The following NFAT5 variants were observed in gnomAD, a reference collection of about 807,000 sequenced individuals.
The protein encoded by NFAT5 is nuclear factor of activated T cells 5.
NFAT5 carries 31 observed loss-of-function variants against 166.5 expected under a neutral mutation model. The ratio of observed to expected loss-of-function variants is 0.19; its 90% confidence interval spans 0.14 to 0.25. NFAT5 has a LOEUF of 0.25. Among genes scored for constraint, NFAT5 ranks in the 10% least tolerant of loss-of-function variants. The pLI is 1.00. For missense variants in NFAT5, 1,449 were observed against 1,821.8 expected (o/e 0.80, Z 3.72); for synonymous variants, 612 against 639.7 (o/e 0.96, Z 0.65).
intron 2 of NFAT5, among the ~76,000 whole-genome samples, chr16:69,607,148 G>C (rs114852643): frequency 0.018 from 2,675 of 152,272 alleles, 83 homozygotes; most frequent in African/African-American, 0.057. Flanking sequence ...TTATAAATGA[G>C]ACAGCCAAGG....
At chr16:69,612,578 G>C (rs2033753442) in intron 2 of NFAT5, among the ~76,000 whole-genome samples, 1 of 152,120 alleles carries the variant, frequency 6.6e-6, no homozygotes, top group Non-Finnish European at 1.5e-5. Context: ...AGGTGCAGTG[G>C]TTCATGCCTA....
At chr16:69,601,091 G>A (rs1202724398) in intron 2 of NFAT5, among the ~76,000 whole-genome samples, 2 of 151,500 alleles carry the variant, frequency 1.3e-5, no homozygotes, top group Non-Finnish European at 2.9e-5. Context: ...TAGAATTTAC[G>A]CACACACACA....
intron 2 of NFAT5, among the ~76,000 whole-genome samples, chr16:69,573,427 T>C (rs2016554507): frequency 6.6e-6 from 1 of 152,210 alleles, no homozygotes; most frequent in African/African-American, 2.4e-5. Flanking sequence ...TGTACAAAGA[T>C]ACCTTTTTGG....
rs894181780 is a variant in NFAT5 at position 69,696,743 on chromosome 16, C to T, written c.*392C>T. 1 of 152,430 alleles carries T rather than the reference C, an allele frequency of 6.6e-6. No individual in the cohort carries two copies. Among genetic ancestry groups the T allele is most frequent in the Non-Finnish European group, 1.5e-5 (1 of 67,982 alleles). The allele number at this position is 152,430 out of a possible 1,614,324, so 9.4% of individuals were successfully genotyped here. A position where few individuals can be genotyped will look rare whatever the true frequency, so the allele number is the denominator to read the frequency against. On this transcript the variant is annotated 3_prime_UTR_variant, in exon 15 of 15. Coordinates refer to ENST00000349945, the MANE Select transcript of NFAT5 (RefSeq NM_138713.4). ...CTTTTGTTCTTCATTATTTTCTTTC[C>T]TGCATTGTTTTAGTCAAGTAATGGC...
chr16:69,617,871 G>A (rs1381530842), intron 2 of NFAT5, among the ~76,000 whole-genome samples: 1 of 151,968 alleles, frequency 6.6e-6, no homozygotes. Flanking sequence ...AATTGTCTGT[G>A]GAAGGCCGGG....
chr16:69,629,554 C>T (rs2034614143), intron 3 of NFAT5, among the ~76,000 whole-genome samples: 1 of 151,966 alleles, frequency 6.6e-6, no homozygotes, highest in Non-Finnish European at 1.5e-5. Flanking sequence ...CAATTTCTCC[C>T]CTCTTCATGG....
intron 3 of NFAT5, 38 bp downstream of exon 3, chr16:69,626,566 G>A (rs755666726): frequency 1.1e-5 from 16 of 1,475,240 alleles, no homozygotes; most frequent in East Asian, 2.4e-5. Context: ...GAAAACTAGG[G>A]CCAATATAAA....
intron 2 of NFAT5, among the ~76,000 whole-genome samples, chr16:69,590,121 C>T (rs1597365459): frequency 6.6e-6 from 1 of 152,126 alleles, no homozygotes; most frequent in Admixed American, 6.6e-5. Flanking sequence ...TTACAGTGAA[C>T]TATGATCGCA....
intron 9 of NFAT5, among the ~76,000 whole-genome samples, chr16:69,673,361 T>C (rs777079988): frequency 5.3e-5 from 8 of 151,970 alleles, no homozygotes; most frequent in Non-Finnish European, 1.0e-4. Context: ...AGAGCTGAGA[T>C]CCTAGAGAAT....
chr16:69,641,960 A>G (rs1418346020), intron 3 of NFAT5, among the ~76,000 whole-genome samples: 2 of 152,074 alleles, frequency 1.3e-5, no homozygotes, highest in South Asian at 2.1e-4. Flanking sequence ...TTAGCCAGGT[A>G]TGGTGGTGCA....
chr16:69,617,525 C>T (rs1331972103), intron 2 of NFAT5, among the ~76,000 whole-genome samples: 6 of 150,550 alleles, frequency 4.0e-5, no homozygotes. Flanking sequence ...GGGCCTTGCT[C>T]TGTCACCCAG....
At chr16:69,609,278 A>G (rs1307829438) in intron 2 of NFAT5, among the ~76,000 whole-genome samples, 2 of 152,216 alleles carry the variant, frequency 1.3e-5, no homozygotes, top group Non-Finnish European at 2.9e-5. Context: ...GCTGCATTTC[A>G]TGCTTCAGAG....
At chr16:69,659,970 T>A (rs2036052462) in intron 7 of NFAT5, 71 bp downstream of exon 7, 1 of 1,302,836 alleles carries the variant, frequency 7.7e-7, no homozygotes. Flanking sequence ...TTTAGACATC[T>A]CTAAATTTTA....
At chr16:69,636,991 C>T (rs530322306) in intron 3 of NFAT5, among the ~76,000 whole-genome samples, 1 of 152,284 alleles carries the variant, frequency 6.6e-6, no homozygotes, top group South Asian at 2.1e-4. Flanking sequence ...GTATGCTTTG[C>T]TTCCCTTATA....
intron 2 of NFAT5, among the ~76,000 whole-genome samples, chr16:69,614,878 CTT>C (rs55841097): frequency 6.9e-5 from 9 of 130,950 alleles, no homozygotes; most frequent in Middle Eastern, 3.9e-3. Flanking sequence ...TTTCTTTTTC[CTT>C]TTTTTTTTTT....
chr16:69,620,023 A>G (rs2034127692), intron 2 of NFAT5, among the ~76,000 whole-genome samples: 1 of 152,234 alleles, frequency 6.6e-6, no homozygotes. Context: ...AAATGGATCT[A>G]TTATAGTTTA....
chr16:69,695,716 A>G (rs1480434614), intron 14 of NFAT5: 1 of 170,100 alleles, frequency 5.9e-6, no homozygotes, highest in Non-Finnish European at 1.3e-5. Flanking sequence ...CAGACCAAAC[A>G]TCCCTAGTCC....
In NFAT5 at chr16:69,699,547, A is replaced by G. The variant is rs2037858951; in HGVS notation, c.*3196A>G. On this transcript the variant is annotated 3_prime_UTR_variant, in exon 15 of 15. Transcript: ENST00000349945. The stretch of plus-strand genomic sequence containing the variant: ...TTAAGTACAACATTCTGAAAATACA[A>G]TTTGGCTACGAAGAGTATTCATCTT... 6.6e-6 allele frequency: 1 copy of G among 152,628 alleles called. No homozygotes were observed. The highest frequency in any genetic ancestry group is 1.5e-5 in the Non-Finnish European group (1 of 68,030). 9.5% of individuals were successfully genotyped at this position (152,628 alleles called of 1,614,324 possible). A position where few individuals can be genotyped will look rare whatever the true frequency, so the allele number is the denominator to read the frequency against.
chr16:69,630,328 G>A (rs1309682315), intron 3 of NFAT5, among the ~76,000 whole-genome samples: 3 of 151,850 alleles, frequency 2.0e-5, no homozygotes, highest in Non-Finnish European at 2.9e-5. Context: ...CACTATGCTC[G>A]GCCCTGGATT....
Sources: allele counts gnomAD v4.1 joint callset (sites outside exome capture counted in the v4.1 genomes callset), GRCh38; gene constraint gnomAD v4.1.1; transcripts MANE v1.5; gene names NCBI Gene and HGNC (gene_info 2026-07-23, HGNC 2026-07-21).